The following TOX variants were observed in gnomAD, a reference collection of about 807,000 sequenced individuals.
TOX encodes the protein thymocyte selection-associated high mobility group box protein TOX.
Under a neutral mutation model 53.7 loss-of-function variants are expected in TOX, and 11 were observed. That is an observed-to-expected ratio of 0.20 (90% CI 0.13 to 0.34). The LOEUF (loss-of-function observed/expected upper bound fraction) is 0.34. Ranked by LOEUF, TOX falls within the 10% of genes least tolerant of loss-of-function variation. TOX has a pLI of 1.00. For missense variants in TOX, 570 were observed against 664.6 expected (o/e 0.86, Z 1.56); for synonymous variants, 225 against 245.3 (o/e 0.92, Z 0.77).
chr8:58,851,877 T>C lies in TOX; in HGVS notation c.412-72A>G. The C allele has an allele frequency of 8.2e-7, 1 of 1,216,276 alleles. No homozygotes were observed. The highest frequency in any genetic ancestry group is 1.0e-6 in the Non-Finnish European group (1 of 966,308). 75.3% of individuals were successfully genotyped at this position (1,216,276 alleles called of 1,614,324 possible). A position where few individuals can be genotyped will look rare whatever the true frequency, so the allele number is the denominator to read the frequency against. ...AAAGGAGTAATTTTAACAAATATGTTTTGGGCAAAAAAGTAATAATTCTTT... is the reference window on the plus strand; with the variant it reads ...AAAGGAGTAATTTTAACAAATATGTCTTGGGCAAAAAAGTAATAATTCTTT... On this transcript the variant is annotated intron_variant, in intron 3 of 8. Coordinates refer to ENST00000361421, the MANE Select transcript of TOX (RefSeq NM_014729.3). This position sits in a 1 kb window ranked among gnomAD's most constrained non-coding sequence, Gnocchi z 4.4.
chr8:59,073,553 T>C (rs561503132), intron 1 of TOX, among the ~76,000 whole-genome samples: 1 of 152,192 alleles, frequency 6.6e-6, no homozygotes, highest in Non-Finnish European at 1.5e-5. Context: ...TAGGAGACTT[T>C]TTTTTTAATC....
intron 1 of TOX, among the ~76,000 whole-genome samples, chr8:59,055,976 T>C (rs139419223): frequency 6.6e-6 from 1 of 152,318 alleles, no homozygotes; most frequent in African/African-American, 2.4e-5. Flanking sequence ...AAAATAACTT[T>C]ATTTAAAGTA....
At position 59,046,880 on chromosome 8, in the gene TOX, A is replaced by G. The variant is rs942733566; in HGVS notation, c.102+72006T>C. The stretch of plus-strand genomic sequence containing the variant: ...TCTCAAAAAAAAAAAAAAAAAAAAA[A>G]AAAGAAAAGAAAAAAGGAAAAGAAA... On this transcript the variant is annotated intron_variant, in intron 1 of 8. Transcript: ENST00000361421. Among the ~76,000 whole-genome samples the G allele has an allele frequency of 6.0e-5, 9 of 150,330 alleles. No individual in the cohort carries two copies. The South Asian group carries it at 1.0e-3, about 17-fold the overall frequency.
At chr8:58,951,536 A>G (rs184437986) in intron 2 of TOX, among the ~76,000 whole-genome samples, 1 of 136,812 alleles carries the variant, frequency 7.3e-6, no homozygotes, top group East Asian at 2.3e-4. Context: ...CTTGAAGGCA[A>G]TTTCTGTTGA....
chr8:58,990,304 G>T (rs758477889), intron 1 of TOX, among the ~76,000 whole-genome samples: 1 of 152,020 alleles, frequency 6.6e-6, no homozygotes, highest in Non-Finnish European at 1.5e-5. Flanking sequence ...TGGCCTCAAG[G>T]TTCAATTGTC....
At chr8:58,885,157 G>A (rs987712889) in intron 3 of TOX, among the ~76,000 whole-genome samples, 22 of 152,222 alleles carry the variant, frequency 1.4e-4, no homozygotes, top group Admixed American at 1.4e-3. Context: ...TGGGTTATAT[G>A]TGATGTATAT....
At chr8:58,929,067 C>T (rs2129175519) in intron 3 of TOX, among the ~76,000 whole-genome samples, 1 of 152,122 alleles carries the variant, frequency 6.6e-6, no homozygotes, top group African/African-American at 2.4e-5. Flanking sequence ...AATAAAAATG[C>T]TACCCTGAAT....
intron 6 of TOX, among the ~76,000 whole-genome samples, chr8:58,819,156 AT>A: frequency 6.6e-6 from 1 of 152,260 alleles, no homozygotes; most frequent in East Asian, 1.9e-4. Flanking sequence ...TCTTACTGTC[AT>A]TTTTTCCCAA....
At chr8:58,948,448 C>A (rs1016542386) in intron 2 of TOX, among the ~76,000 whole-genome samples, 13 of 152,072 alleles carry the variant, frequency 8.5e-5, no homozygotes, top group African/African-American at 3.1e-4. Context: ...TCATACCAGG[C>A]ATTGTACGTA....
chr8:59,053,217 T>G (rs893277841), intron 1 of TOX, among the ~76,000 whole-genome samples: 26 of 152,238 alleles, frequency 1.7e-4, no homozygotes, highest in African/African-American at 5.8e-4. Flanking sequence ...TAACACCATT[T>G]TACTCACTAT....
chr8:58,892,683 T>C (rs1585884464), intron 3 of TOX, among the ~76,000 whole-genome samples: 1 of 152,142 alleles, frequency 6.6e-6, no homozygotes, highest in Non-Finnish European at 1.5e-5. Flanking sequence ...CCTGTGCATG[T>C]CAGTTTCTAG....
intron 3 of TOX, among the ~76,000 whole-genome samples, chr8:58,879,891 T>G (rs1811354463): frequency 6.6e-6 from 1 of 152,224 alleles, no homozygotes; most frequent in Non-Finnish European, 1.5e-5. Flanking sequence ...TAATATGTCC[T>G]TGTACTGGTA....
intron 1 of TOX, among the ~76,000 whole-genome samples, chr8:59,047,087 C>T (rs1272803058): frequency 1.3e-5 from 2 of 151,720 alleles, no homozygotes; most frequent in Admixed American, 6.6e-5. Flanking sequence ...AAGAAGCAAG[C>T]GCTCCAGCTT....
chr8:58,979,483 G>C (rs1813161463), intron 1 of TOX, among the ~76,000 whole-genome samples: 1 of 152,176 alleles, frequency 6.6e-6, no homozygotes, highest in African/African-American at 2.4e-5. Context: ...GATCTAATTT[G>C]TTAACCAGAT....
chr8:58,997,500 C>T (rs1169104330), intron 1 of TOX, among the ~76,000 whole-genome samples: 1 of 152,234 alleles, frequency 6.6e-6, no homozygotes, highest in Non-Finnish European at 1.5e-5. Context: ...GATTCCCACC[C>T]TGTGCAAGTG....
At chr8:59,060,327 C>T (rs1272905139) in intron 1 of TOX, among the ~76,000 whole-genome samples, 2 of 152,156 alleles carry the variant, frequency 1.3e-5, no homozygotes, top group South Asian at 2.1e-4. Context: ...CAATAGTGTG[C>T]TGGCTATTAA....
intron 3 of TOX, among the ~76,000 whole-genome samples, chr8:58,859,559 C>G (rs16924104): frequency 0.25 from 37,582 of 151,870 alleles, 4,735 homozygotes; most frequent in Non-Finnish European, 0.27. Context: ...AAGTAAGAAC[C>G]CTGGAGCACA....
intron 6 of TOX, among the ~76,000 whole-genome samples, chr8:58,819,102 T>C (rs1810228845): frequency 6.6e-6 from 1 of 152,262 alleles, no homozygotes; most frequent in Non-Finnish European, 1.5e-5. Context: ...CTGCCATAAA[T>C]TCATAATGTG....
At chr8:58,887,354 T>A (rs1811486277) in intron 3 of TOX, among the ~76,000 whole-genome samples, 2 of 152,084 alleles carry the variant, frequency 1.3e-5, no homozygotes, top group South Asian at 4.1e-4. Context: ...TTTCCCCTGA[T>A]GTTTTGAAAA....
Sources: allele counts gnomAD v4.1 joint callset (sites outside exome capture counted in the v4.1 genomes callset), GRCh38; gene constraint gnomAD v4.1.1; non-coding constraint Gnocchi (gnomAD v3.1); transcripts MANE v1.5; gene names NCBI Gene and HGNC (gene_info 2026-07-23, HGNC 2026-07-21).